JHY: variants seen among roughly 807,000 people sequenced by gnomAD.
The protein encoded by JHY is junctional cadherin complex regulator, also known as jhy protein homolog.
A neutral mutation model predicts 78.0 loss-of-function variants in JHY; 69 were observed. The observed-to-expected ratio is 0.88, with a 90% CI of 0.73 to 1.08. JHY has a LOEUF of 1.08. Among genes scored for constraint, JHY ranks in the 50% least tolerant of loss-of-function variants. The pLI is 0.00. For synonymous variants in JHY, 368 were observed against 342.6 expected (o/e 1.07, Z -0.82); for missense variants, 944 against 927.8 (o/e 1.02, Z -0.23).
chr11:122,909,737 C>T (rs1863073721), intron 3 of JHY, among the ~76,000 whole-genome samples: 1 of 151,780 alleles, frequency 6.6e-6, no homozygotes, highest in South Asian at 2.1e-4. Context: ...CAAGATTGCG[C>T]CACTGCACTC....
chr11:122,924,741 C>T (rs1863456877), intron 3 of JHY, among the ~76,000 whole-genome samples, 156 bp from the exon 4 acceptor site: 1 of 152,176 alleles, frequency 6.6e-6, no homozygotes, highest in African/African-American at 2.4e-5. Flanking sequence ...TAAGAACAAT[C>T]AGGTCCCTGA....
At chr11:122,956,626 T>A (rs1214252897) in intron 7 of JHY, 50 bp downstream of exon 7, 6 of 1,524,292 alleles carry the variant, frequency 3.9e-6, no homozygotes, top group Non-Finnish European at 5.4e-6. Context: ...AGCCCATCTG[T>A]CTGTTAGGAA....
At position 122,960,887 on chromosome 11, in the gene JHY, A is replaced by G; in HGVS notation, c.*1442A>G. ...CTGTGGAGGTTACTTACTGGGAATG[A>G]CTGCATAGAGTGTATAAGGAAGTAA... On this transcript the variant is annotated 3_prime_UTR_variant, in exon 9 of 9. Coordinates refer to ENST00000227349, the MANE Select transcript of JHY (RefSeq NM_024806.4). The G allele has an allele frequency of 1.5e-6, 1 of 688,336 alleles. No individual in the cohort carries two copies. Among genetic ancestry groups the G allele is most frequent in the South Asian group, 1.4e-5 (1 of 73,128 alleles). The allele number at this position is 688,336 out of a possible 1,614,324, so 42.6% of individuals were successfully genotyped here.
At chr11:122,891,979 G>A (rs911868351) in intron 2 of JHY, among the ~76,000 whole-genome samples, 5 of 152,198 alleles carry the variant, frequency 3.3e-5, no homozygotes, top group Non-Finnish European at 7.3e-5. Context: ...AAATATGCAT[G>A]TAAAATGATA....
intron 2 of JHY, among the ~76,000 whole-genome samples, chr11:122,891,014 G>A (rs1307333363): frequency 2.0e-5 from 3 of 152,006 alleles, no homozygotes; most frequent in Admixed American, 1.3e-4. Flanking sequence ...GTTAGTCTTC[G>A]AAGCCTCTCC....
intron 2 of JHY, among the ~76,000 whole-genome samples, chr11:122,886,804 T>C (rs566626244): frequency 9.2e-5 from 14 of 152,294 alleles, no homozygotes; most frequent in African/African-American, 3.4e-4. Context: ...CTGACTTGCC[T>C]ATCTCACAGG....
intron 6 of JHY, among the ~76,000 whole-genome samples, chr11:122,950,906 C>A (rs573811153): frequency 6.6e-6 from 1 of 152,336 alleles, no homozygotes; most frequent in East Asian, 1.9e-4. Context: ...TGCTTTCTAT[C>A]AGGAATGTTA....
intron 6 of JHY, among the ~76,000 whole-genome samples, chr11:122,948,814 G>C (rs1253521806): frequency 6.6e-6 from 1 of 152,074 alleles, no homozygotes; most frequent in East Asian, 1.9e-4. Context: ...GGCTGGGCGC[G>C]GTGGCTTATG....
At chr11:122,947,451 A>G (rs1863990162) in intron 6 of JHY, 2 of 152,238 alleles carry the variant, frequency 1.3e-5, no homozygotes, top group African/African-American at 4.8e-5. Flanking sequence ...TTTAACAAGT[A>G]AAATTGGGGA....
At chr11:122,953,358 T>C (rs1042577451) in intron 6 of JHY, among the ~76,000 whole-genome samples, 1 of 151,998 alleles carries the variant, frequency 6.6e-6, no homozygotes, top group African/African-American at 2.4e-5. Context: ...ATCCCAGCAC[T>C]TTGGGAGGCC....
chr11:122,901,872 C>CAA (rs777748055), intron 2 of JHY, among the ~76,000 whole-genome samples: 2 of 116,118 alleles, frequency 1.7e-5, no homozygotes, highest in Non-Finnish European at 3.5e-5. Flanking sequence ...GACTCTGTCT[C>CAA]AAAAAAAAAA....
intron 6 of JHY, among the ~76,000 whole-genome samples, chr11:122,954,476 T>C (rs939661617): frequency 2.6e-5 from 4 of 152,244 alleles, no homozygotes; most frequent in Non-Finnish European, 5.9e-5. Flanking sequence ...ACAGTGTGTT[T>C]ACACAAGTTC....
chr11:122,890,464 A>T (rs1470225039), intron 2 of JHY, among the ~76,000 whole-genome samples: 2 of 152,100 alleles, frequency 1.3e-5, no homozygotes, highest in African/African-American at 4.8e-5. Context: ...AATAAATGGG[A>T]GTAGTTTTAG....
At chr11:122,958,950 A>G (rs1045152982) in intron 8 of JHY, 2 of 985,428 alleles carry the variant, frequency 2.0e-6, no homozygotes, top group Non-Finnish European at 2.4e-6. Flanking sequence ...TAAGTAGACC[A>G]AACACATAAG....
At chr11:122,916,298 A>C (rs1324333102) in intron 3 of JHY, among the ~76,000 whole-genome samples, 1 of 152,218 alleles carries the variant, frequency 6.6e-6, no homozygotes, top group Non-Finnish European at 1.5e-5. Flanking sequence ...TACCCCATAA[A>C]TATGTACAAA....
intron 2 of JHY, among the ~76,000 whole-genome samples, chr11:122,899,347 C>T (rs564911698): frequency 1.2e-3 from 177 of 152,268 alleles, no homozygotes; most frequent in African/African-American, 4.0e-3. Context: ...TCTGTATTTA[C>T]TTGAAGACAA....
Position 122,903,982 on chromosome 11 carries a change from TAAG to T in JHY, c.406_408del (p.Lys136del). ...TCCGCTATGACCCGAACTGGAAGAG[TAAG>T]AAGGAGGAAGGGCAGCTGCTGTCTG... On this transcript the variant is annotated inframe_deletion, in exon 3 of 9. Coordinates refer to ENST00000227349, the MANE Select transcript of JHY (RefSeq NM_024806.4). 6.2e-7 allele frequency: 1 copy of T among 1,612,660 alleles called. No homozygotes were observed. Among genetic ancestry groups the T allele is most frequent in the South Asian group, 1.1e-5 (1 of 91,012 alleles).
chr11:122,946,869 T>A, intron 6 of JHY, 77 bp downstream of exon 6: 4 of 1,500,288 alleles, frequency 2.7e-6, no homozygotes, highest in Non-Finnish European at 3.6e-6. Flanking sequence ...ATTATAGCCC[T>A]GGAATAGGGA....
chr11:122,934,583 C>CG lies in JHY; in HGVS notation c.1144dup (p.Glu382GlyfsTer12). The CG allele has an allele frequency of 6.2e-7, 1 of 1,614,070 alleles. No individual in the cohort carries two copies. Among genetic ancestry groups the CG allele is most frequent in the Non-Finnish European group, 8.5e-7 (1 of 1,180,006 alleles). ...CAGAATGGCCTGAAGTCTTCCACAA[C>CG]GGAAGAGGTGACTGCCAGTCAGGGG... On this transcript the variant is annotated frameshift_variant, in exon 5 of 9. Transcript: ENST00000227349. LOFTEE classifies it high-confidence loss of function.
Sources: gnomAD v4.1 joint callset for allele counts (sites outside exome capture counted in the v4.1 genomes callset) on GRCh38, gnomAD v4.1.1 for gene constraint, MANE v1.5 for transcripts, NCBI Gene and HGNC (gene_info 2026-07-23, HGNC 2026-07-21) for gene names.